Variants in PCID2 observed in about 807,000 individuals in gnomAD.
PCID2 encodes PCI domain-containing protein 2.
Under a neutral mutation model 61.3 loss-of-function variants are expected in PCID2, and 41 were observed. The ratio of observed to expected loss-of-function variants is 0.67; its 90% CI spans 0.52 to 0.87. The LOEUF is 0.87. Ranked by LOEUF, PCID2 falls within the 40% of genes least tolerant of loss-of-function variation. The pLI is 0.00. For synonymous variants in PCID2, 187 were observed against 177.8 expected, an observed-to-expected ratio of 1.05 and a Z score of -0.41; for missense variants, 392 against 493.4, an observed-to-expected ratio of 0.79 and a Z score of 1.95.
At chr13:113,191,065 T>A in intron 6 of PCID2, 90 bp from the exon 7 acceptor site, 1 of 798,484 alleles carries the variant, frequency 1.3e-6, no homozygotes, top group Non-Finnish European at 2.0e-6. Context: ...CAATCACACC[T>A]CACTGCAGCC....
rs775559080 is a variant in PCID2, at chr13:113,185,467, A to G, written c.543+18T>C. 2.5e-6 allele frequency: 4 copies of G among 1,582,538 alleles called. No individual in the cohort carries two copies. Among genetic ancestry groups the G allele is most frequent in the Non-Finnish European group, 3.5e-6 (4 of 1,151,732 alleles). On this transcript the variant is annotated intron_variant, in intron 8 of 13. Transcript: ENST00000337344. ...ATCGAAAATTGTAAAGACAGAAAGG[A>G]TTCAAACAGAAGCACACCTTGAAGT...
chr13:113,189,534 A>G (rs982454141), intron 7 of PCID2, among the ~76,000 whole-genome samples: 10 of 152,176 alleles, frequency 6.6e-5, no homozygotes, highest in Non-Finnish European at 1.3e-4. Context: ...TTTGCTTTAA[A>G]ATTTCCTAAA....
intron 1 of PCID2, chr13:113,208,113 G>T: frequency 6.2e-7 from 1 of 1,611,024 alleles, no homozygotes; most frequent in Non-Finnish European, 8.5e-7. Flanking sequence ...AAACGACAGC[G>T]AGGACGAGGG....
chr13:113,167,025 T>C, the PCID2 span, among the ~76,000 whole-genome samples: 1 of 152,238 alleles, frequency 6.6e-6, no homozygotes, highest in East Asian at 1.9e-4. Context: ...TACTTCAGTA[T>C]TATAAATTGT....
chr13:113,188,049 C>T (rs1428723441), intron 7 of PCID2: 1 of 152,216 alleles, frequency 6.6e-6, no homozygotes, highest in African/African-American at 2.4e-5. Context: ...ACGCACTTCG[C>T]CATCAAATCG....
the PCID2 span, among the ~76,000 whole-genome samples, chr13:113,171,010 C>T: frequency 6.6e-6 from 1 of 151,956 alleles, no homozygotes; most frequent in Non-Finnish European, 1.5e-5. The surrounding 1 kb of genome is among the most constrained non-coding windows in gnomAD (Gnocchi z 5.1). Flanking sequence ...GCAACCTCTG[C>T]CTCCTGGGTT....
At chr13:113,185,251 T>C (rs893504713) in intron 8 of PCID2, among the ~76,000 whole-genome samples, 1 of 152,226 alleles carries the variant, frequency 6.6e-6, no homozygotes, top group Non-Finnish European at 1.5e-5. Context: ...CCTCTGGGGC[T>C]GGGAGCGCTA....
At chr13:113,206,287 G>C (rs1188725517) in intron 1 of PCID2, among the ~76,000 whole-genome samples, 2 of 152,198 alleles carry the variant, frequency 1.3e-5, no homozygotes, top group African/African-American at 2.4e-5. Flanking sequence ...TAGTAAAAAT[G>C]CCAGGATTTG....
At chr13:113,183,928 T>G (rs1303694167) in intron 9 of PCID2, 1 of 985,356 alleles carries the variant, frequency 1.0e-6, no homozygotes, top group Non-Finnish European at 1.2e-6. Flanking sequence ...GCATATCCCC[T>G]GCTTCTAAGT....
chr13:113,179,810 AC>A lies in PCID2; in HGVS notation c.986+106del, dbSNP rs1293395351. On this transcript the variant is annotated intron_variant, in intron 12 of 13. Transcript: ENST00000337344. The surrounding 1 kb of genome is among the most constrained non-coding windows in gnomAD (Gnocchi z 4.3). ...CCCACACAATGGAAGGAAGATAACGACCCCACCCACACGGTGGCCTTCTCTC... is the reference window on the plus strand; with the variant it reads ...CCCACACAATGGAAGGAAGATAACGACCCACCCACACGGTGGCCTTCTCTC... 1.8e-6 allele frequency: 2 copies of A among 1,121,412 alleles called. No homozygotes were observed. Among genetic ancestry groups the A allele is most frequent in the Non-Finnish European group, 2.5e-6 (2 of 787,128 alleles). 69.5% of individuals were successfully genotyped at this position (1,121,412 alleles called of 1,614,324 possible).
At chr13:113,180,964 G>C (rs2037578046) in intron 10 of PCID2, among the ~76,000 whole-genome samples, 166 bp downstream of exon 10, 1 of 152,184 alleles carries the variant, frequency 6.6e-6, no homozygotes, top group African/African-American at 2.4e-5. Context: ...GAAGCTCTGG[G>C]TTTGGGCCAC....
rs567621579 is a variant in PCID2 at position 113,188,827 on chromosome 13, C to A, written c.467+2045G>T. 8.5e-5 allele frequency among the ~76,000 whole-genome samples: 13 copies of A among 152,292 alleles called. No individual in the cohort carries two copies. In the South Asian group the frequency reaches 2.7e-3, roughly 32 times the overall value. On this transcript the variant is annotated intron_variant, in intron 7 of 13. Transcript: ENST00000337344. ...GCTTGCTCTGCTCAACACTTACTTT[C>A]GGTTTCATGGATGGGATCCACAACA...
chr13:113,189,331 CCT>C (rs1180333017), intron 7 of PCID2, among the ~76,000 whole-genome samples: 2 of 151,634 alleles, frequency 1.3e-5, no homozygotes, highest in African/African-American at 2.4e-5. Context: ...CAGGTATTCC[CCT>C]CTTTTCTTAC....
In PCID2 at chr13:113,184,390, T is replaced by C. The variant is rs1226367519; in HGVS notation, c.641A>G (p.Tyr214Cys). 1 of 1,612,724 alleles carries C rather than the reference T, an allele frequency of 6.2e-7. No individual in the cohort carries two copies. Among genetic ancestry groups the C allele is most frequent in the African/African-American group, 1.3e-5 (1 of 74,928 alleles). Residue 214 changes from tyrosine to cysteine, a missense_variant, in exon 9 of 14, where the codon TAC becomes TGC. Coordinates refer to ENST00000337344, the MANE Select transcript of PCID2 (RefSeq NM_001127202.4). ...YSTAQRVTYK[Y>C]YVGRKAMFDS... ...AAACATAGCCTTGCGTCCAACGTAG[T>C]ATTTGTATGTTACTCTCTGTGCAGT...
At chr13:113,171,966 G>A in the PCID2 span, 1 of 1,613,460 alleles carries the variant, frequency 6.2e-7, no homozygotes, top group Admixed American at 1.7e-5. This position sits in a 1 kb window ranked among gnomAD's most constrained non-coding sequence, Gnocchi z 5.1. Flanking sequence ...ATGGATGGAA[G>A]TGTGGTCACC....
intron 4 of PCID2, chr13:113,196,898 C>T (rs1054718888): frequency 1.1e-5 from 8 of 760,054 alleles, no homozygotes; most frequent in African/African-American, 1.0e-4. Context: ...AATATACTTA[C>T]TACCTTACTA....
Position 113,191,061 on chromosome 13 carries a change from C to T in PCID2, c.364-86G>A, listed in dbSNP as rs1326914764. 10 of 820,838 alleles carry T rather than the reference C, an allele frequency of 1.2e-5. No homozygotes were observed. The East Asian group carries it at 2.5e-4, about 20-fold the overall frequency. The allele number at this position is 820,838 out of a possible 1,614,324, so 50.8% of individuals were successfully genotyped here. On this transcript the variant is annotated intron_variant, in intron 6 of 13. Transcript: ENST00000337344. ...AGGCTGGACTGCAGTGGCACAATCA[C>T]ACCTCACTGCAGCCTCAACCTCCTG... is the stretch of plus-strand genomic sequence containing the variant.
At chr13:113,176,669 G>A (rs2037196468), downstream of PCID2, among the ~76,000 whole-genome samples, 1 of 152,158 alleles carries the variant, frequency 6.6e-6, no homozygotes, top group African/African-American at 2.4e-5. Flanking sequence ...AGGCTGAGGA[G>A]GGAAGATCAC....
At chr13:113,172,492 G>C in the PCID2 span, 10 of 314,128 alleles carry the variant, frequency 3.2e-5, no homozygotes, top group Middle Eastern at 3.4e-3. Context: ...GTGCAGAAGC[G>C]ACAACAATCT....
Sources: gnomAD v4.1 joint callset for allele counts (sites outside exome capture counted in the v4.1 genomes callset) on GRCh38, gnomAD v4.1.1 for gene constraint, Gnocchi (gnomAD v3.1) non-coding constraint, MANE v1.5 for transcripts, NCBI Gene and HGNC (gene_info 2026-07-23, HGNC 2026-07-21) for gene names.